OSBPL1A: variants seen among roughly 807,000 people sequenced by gnomAD.
OSBPL1A encodes the protein oxysterol-binding protein-related protein 1.
Under a neutral mutation model 137.1 loss-of-function variants are expected in OSBPL1A, and 80 were observed. The observed-to-expected ratio is 0.58, with a 90% CI of 0.49 to 0.70. The LOEUF (loss-of-function observed/expected upper bound fraction) is 0.70, where lower values mean the gene tolerates loss of function less well. Ranked by LOEUF, OSBPL1A falls within the 30% of genes least tolerant of loss-of-function variation. The pLI is 0.00. For missense variants in OSBPL1A, 970 were observed against 1,129.4 expected, an observed-to-expected ratio of 0.86 and a Z score of 2.02; for synonymous variants, 365 against 389.7, an observed-to-expected ratio of 0.94 and a Z score of 0.75.
At chr18:24,164,284 C>T (rs945839163) in intron 27 of OSBPL1A, among the ~76,000 whole-genome samples, 3 of 152,024 alleles carry the variant, frequency 2.0e-5, no homozygotes, top group Non-Finnish European at 2.9e-5. Flanking sequence ...ACAAGATTAT[C>T]GTCTTACACC....
intron 15 of OSBPL1A, among the ~76,000 whole-genome samples, chr18:24,243,497 C>A (rs1212971850): frequency 6.6e-6 from 1 of 152,054 alleles, no homozygotes; most frequent in East Asian, 1.9e-4. Flanking sequence ...CATTTTAATA[C>A]CTAAATTCAT....
chr18:24,225,529 A>AAT, intron 16 of OSBPL1A, among the ~76,000 whole-genome samples: 1 of 152,320 alleles, frequency 6.6e-6, no homozygotes, highest in Admixed American at 6.5e-5. Context: ...TTCCCTCACA[A>AAT]AGCATCTTAA....
chr18:24,333,740 C>T (rs888193365), intron 6 of OSBPL1A, among the ~76,000 whole-genome samples: 1 of 152,084 alleles, frequency 6.6e-6, no homozygotes, highest in South Asian at 2.1e-4. Flanking sequence ...TCTAAGGTGG[C>T]GGGGAACAGG....
At chr18:24,190,144 C>T (rs1005782230) in intron 18 of OSBPL1A, among the ~76,000 whole-genome samples, 13 of 152,074 alleles carry the variant, frequency 8.5e-5, no homozygotes, top group African/African-American at 3.1e-4. Context: ...GGCTGGACAA[C>T]ACCTACACAG....
At chr18:24,303,376 A>G (rs2090440391) in intron 14 of OSBPL1A, among the ~76,000 whole-genome samples, 1 of 152,166 alleles carries the variant, frequency 6.6e-6, no homozygotes, top group Non-Finnish European at 1.5e-5. Flanking sequence ...CCGCAGCCAA[A>G]ATTAATTTAC....
intron 15 of OSBPL1A, among the ~76,000 whole-genome samples, chr18:24,250,830 C>G (rs1317499729): frequency 2.6e-5 from 4 of 152,224 alleles, no homozygotes; most frequent in African/African-American, 9.6e-5. Flanking sequence ...GGCCTAGGCT[C>G]ATGGACAACA....
intron 18 of OSBPL1A, among the ~76,000 whole-genome samples, chr18:24,189,956 CCA>C (rs1354858535): frequency 6.6e-6 from 1 of 152,208 alleles, no homozygotes; most frequent in Non-Finnish European, 1.5e-5. Flanking sequence ...GTTTACTGAA[CCA>C]CAGTGTGGGC....
At chr18:24,308,378 TAA>T (rs528492523) in intron 13 of OSBPL1A, among the ~76,000 whole-genome samples, 5 of 141,412 alleles carry the variant, frequency 3.5e-5, no homozygotes, top group African/African-American at 2.6e-5. Context: ...GCCTCAAAAT[TAA>T]AAAAAAAAAA....
intron 21 of OSBPL1A, among the ~76,000 whole-genome samples, chr18:24,175,135 T>TATATATATAC (rs1323687106): frequency 9.3e-5 from 9 of 96,638 alleles, no homozygotes; most frequent in Admixed American, 4.0e-4. Flanking sequence ...TATATATATA[T>TATATATATAC]ACACATATAT....
At chr18:24,340,343 T>C (rs912256232) in intron 5 of OSBPL1A, among the ~76,000 whole-genome samples, 1 of 152,168 alleles carries the variant, frequency 6.6e-6, no homozygotes, top group Non-Finnish European at 1.5e-5. Context: ...CATCAAGAAA[T>C]TACTGCTGCC....
intron 2 of OSBPL1A, among the ~76,000 whole-genome samples, chr18:24,373,584 C>T (rs1183355925): frequency 6.6e-6 from 1 of 152,218 alleles, no homozygotes; most frequent in African/African-American, 2.4e-5. Flanking sequence ...ACTTTCCACT[C>T]ACATCAGCCC....
At chr18:24,314,793 T>C (rs1196444355) in intron 11 of OSBPL1A, among the ~76,000 whole-genome samples, 2 of 151,982 alleles carry the variant, frequency 1.3e-5, no homozygotes, top group Non-Finnish European at 2.9e-5. Context: ...TCAGAAATAA[T>C]TATGGGTTTT....
intron 15 of OSBPL1A, among the ~76,000 whole-genome samples, chr18:24,264,865 C>T (rs924453471): frequency 3.0e-4 from 46 of 152,166 alleles, no homozygotes; most frequent in African/African-American, 1.1e-3. Context: ...AAGTTTTGCC[C>T]GCTCCTAGCG....
At chr18:24,200,667 A>G (rs1432233485) in intron 17 of OSBPL1A, among the ~76,000 whole-genome samples, 1 of 152,154 alleles carries the variant, frequency 6.6e-6, no homozygotes, top group African/African-American at 2.4e-5. Flanking sequence ...ACTGGACAGA[A>G]TGGATCTCTG....
At chr18:24,217,785 T>C (rs2087755260) in intron 17 of OSBPL1A, among the ~76,000 whole-genome samples, 1 of 152,044 alleles carries the variant, frequency 6.6e-6, no homozygotes, top group Non-Finnish European at 1.5e-5. Context: ...AGAGAGCAAA[T>C]GCTCTCTGAT....
At chr18:24,260,597 C>A (rs1306944508) in intron 15 of OSBPL1A, among the ~76,000 whole-genome samples, 1 of 152,062 alleles carries the variant, frequency 6.6e-6, no homozygotes, top group African/African-American at 2.4e-5. Flanking sequence ...TCAAGACAGG[C>A]AAATCCATAG....
intron 4 of OSBPL1A, among the ~76,000 whole-genome samples, chr18:24,344,081 GAA>G (rs1454991012): frequency 1.3e-5 from 2 of 152,162 alleles, no homozygotes; most frequent in African/African-American, 4.8e-5. Flanking sequence ...AATATGCAAA[GAA>G]TGTCTAAAAC....
At chr18:24,186,510 A>AGTTG (rs1368258170) in intron 18 of OSBPL1A, among the ~76,000 whole-genome samples, 1 of 152,146 alleles carries the variant, frequency 6.6e-6, no homozygotes, top group Middle Eastern at 3.2e-3. Flanking sequence ...TATCTCTAGG[A>AGTTG]GTTGGGGGCA....
chr18:24,200,834 G>A (rs1342159371), intron 17 of OSBPL1A, among the ~76,000 whole-genome samples: 1 of 152,062 alleles, frequency 6.6e-6, no homozygotes, highest in African/African-American at 2.4e-5. Context: ...AAGAAGCAGA[G>A]GGAGTAGAGA....
Sources: gnomAD v4.1 joint callset for allele counts (sites outside exome capture counted in the v4.1 genomes callset) on GRCh38, gnomAD v4.1.1 for gene constraint, MANE v1.5 for transcripts, NCBI Gene and HGNC (gene_info 2026-07-23, HGNC 2026-07-21) for gene names.